ZNF469: variants seen among roughly 807,000 people sequenced by gnomAD.
The protein encoded by ZNF469 is zinc finger protein 469.
Under a neutral mutation model 1.0 loss-of-function variants are expected in ZNF469, and 1 was observed. The observed-to-expected ratio is 1.00, with a 90% CI of 0.35 to 4.73. The LOEUF (loss-of-function observed/expected upper bound fraction) is 4.73. Ranked by LOEUF, ZNF469 falls within the 30% of genes most tolerant of loss-of-function variation. The pLI is 0.16. For synonymous variants in ZNF469, 2,703 were observed against 2,363.4 expected (o/e 1.14, Z -4.17); for missense variants, 6,100 against 5,356.3 (o/e 1.14, Z -4.33).
the ZNF469 span, among the ~76,000 whole-genome samples, chr16:88,244,692 G>C: frequency 0.018 from 2,130 of 120,134 alleles, 41 homozygotes; most frequent in Middle Eastern, 0.034. Context: ...TGGGTTTATG[G>C]ATGGATAGAT....
the ZNF469 span, among the ~76,000 whole-genome samples, chr16:88,241,220 G>T: frequency 6.6e-6 from 1 of 152,184 alleles, no homozygotes; most frequent in African/African-American, 2.4e-5. This position sits in a 1 kb window ranked among gnomAD's most constrained non-coding sequence, Gnocchi z 4.8. Context: ...TTAGCTAAGT[G>T]TCATGGCACG....
chr16:88,248,653 A>G, the ZNF469 span, among the ~76,000 whole-genome samples: 14 of 152,302 alleles, frequency 9.2e-5, no homozygotes, highest in South Asian at 2.7e-3. Context: ...TAAAAGAGAG[A>G]GTGTTATAAC....
chr16:88,147,729 T>C, the ZNF469 span, among the ~76,000 whole-genome samples: 1 of 152,096 alleles, frequency 6.6e-6, no homozygotes, highest in African/African-American at 2.4e-5. Context: ...CCCCTTAGAC[T>C]GTGAGCATGT....
At chr16:88,423,653 G>A (rs1228200748) in intron 1 of ZNF469, among the ~76,000 whole-genome samples, 4 of 152,232 alleles carry the variant, frequency 2.6e-5, no homozygotes, top group Non-Finnish European at 1.5e-5. Flanking sequence ...AGCAGGGGCT[G>A]CAGCATCATC....
At position 88,431,262 on chromosome 16, in the gene ZNF469, A is replaced by T. The variant is rs1255708999; in HGVS notation, c.3792A>T (p.Ile1264=). ...TGGGAGCAAGCCCCGGTCTCCTGATACCAGAGCAGCCGCCGCCCAGCAGAC... is the reference window on the plus strand; with the variant it reads ...TGGGAGCAAGCCCCGGTCTCCTGATTCCAGAGCAGCCGCCGCCCAGCAGAC... ...GEMGASPGLL[I]PEQPPPSRHD... The change falls in exon 3 of 3, where the codon ATA becomes ATT. Residue 1264 remains isoleucine (I), a synonymous_variant. Coordinates refer to ENST00000565624, the MANE Select transcript of ZNF469 (RefSeq NM_001367624.2). The T allele has an allele frequency of 6.5e-7, 1 of 1,550,332 alleles. No homozygotes were observed. The highest frequency in any genetic ancestry group is 1.4e-5 in the African/African-American group (1 of 73,172).
At chr16:88,295,729 C>A in the ZNF469 span, among the ~76,000 whole-genome samples, 3 of 152,174 alleles carry the variant, frequency 2.0e-5, no homozygotes, top group East Asian at 5.8e-4. Flanking sequence ...AAGCTGTTCA[C>A]CCATCACTGT....
rs1200853686 is a variant in ZNF469, at chr16:88,424,441, A to G, written c.-191-366A>G. Among the ~76,000 whole-genome samples the G allele has an allele frequency of 6.6e-6, 1 of 152,188 alleles. No homozygotes were observed. The highest frequency in any genetic ancestry group is 1.5e-5 in the Non-Finnish European group (1 of 68,022). On this transcript the variant is annotated intron_variant, in intron 1 of 2. Coordinates refer to ENST00000565624, the MANE Select transcript of ZNF469 (RefSeq NM_001367624.2). This position sits in a 1 kb window ranked among gnomAD's most constrained non-coding sequence, Gnocchi z 4.3. ...AGCGGGACTGGGGAGGGATCCTGGC[A>G]GGGATGGGAGGGGCAGCGTTCTCAC... is the stretch of plus-strand genomic sequence containing the variant.
the ZNF469 span, among the ~76,000 whole-genome samples, chr16:88,325,797 T>TCTCCTTCCTTCCTCCCTTTC: frequency 2.6e-5 from 4 of 152,166 alleles, no homozygotes; most frequent in Admixed American, 6.5e-5. Flanking sequence ...TTCCCCTCTT[T>TCTCCTTCCTTCCTCCCTTTC]CTCCTTCCTT....
At chr16:88,296,561 C>T in the ZNF469 span, among the ~76,000 whole-genome samples, 7 of 150,082 alleles carry the variant, frequency 4.7e-5, no homozygotes, top group East Asian at 1.9e-4. Flanking sequence ...TGCACACTCA[C>T]GTGCTCACAC....
Position 88,438,465 on chromosome 16 carries a change from C to T in ZNF469, c.10995C>T (p.Phe3665=). The change falls in exon 3 of 3, where the codon TTC becomes TTT. Residue 3665 remains phenylalanine, a synonymous_variant. Coordinates refer to ENST00000565624, the MANE Select transcript of ZNF469 (RefSeq NM_001367624.2). ...MVSEGGPRGA[F]HKGSATKPAG... The stretch of plus-strand genomic sequence containing the variant: ...CTGAGGGGGGGCCCCGAGGCGCCTT[C>T]CACAAGGGCAGCGCCACCAAGCCTG... 6.5e-7 allele frequency: 1 copy of T among 1,550,130 alleles called. No individual in the cohort carries two copies. Among genetic ancestry groups the T allele is most frequent in the Non-Finnish European group, 8.7e-7 (1 of 1,146,946 alleles).
chr16:88,307,024 C>G, the ZNF469 span, among the ~76,000 whole-genome samples: 7 of 152,180 alleles, frequency 4.6e-5, no homozygotes, highest in African/African-American at 1.7e-4. Flanking sequence ...CTACCCCGGT[C>G]CCTGGCAACC....
the ZNF469 span, among the ~76,000 whole-genome samples, chr16:88,109,509 G>A: frequency 3.1e-3 from 464 of 151,026 alleles, 1 homozygote; most frequent in African/African-American, 9.2e-3. Flanking sequence ...GGTGCTGAGC[G>A]TCTGTGTCCA....
In ZNF469 at chr16:88,427,382, C is replaced by A. The variant is rs542673017; in HGVS notation, c.-89C>A. The A allele has an allele frequency of 1.9e-5, 24 of 1,290,496 alleles. 1 individual carries two copies. In the South Asian group the frequency reaches 3.6e-4, roughly 20 times the overall value. The allele number at this position is 1,290,496 out of a possible 1,614,324, so 79.9% of individuals were successfully genotyped here. On this transcript the variant is annotated 5_prime_UTR_variant, in exon 3 of 3. Coordinates refer to ENST00000565624, the MANE Select transcript of ZNF469 (RefSeq NM_001367624.2). Reference sequence around the variant, plus strand: ...ACCATGAGCGCAGGCTTCCCTGGGGCCCATCGAGGGCTGAGGATGGCCGTC... The same window carrying A: ...ACCATGAGCGCAGGCTTCCCTGGGGACCATCGAGGGCTGAGGATGGCCGTC...
the ZNF469 span, among the ~76,000 whole-genome samples, chr16:88,240,695 A>G: frequency 1.3e-5 from 2 of 152,196 alleles, no homozygotes; most frequent in Admixed American, 1.3e-4. Context: ...TAACCGCTCC[A>G]GGTGGAAGGC....
chr16:88,397,811 A>G (rs1023989258), intron 1 of ZNF469, among the ~76,000 whole-genome samples: 1 of 152,124 alleles, frequency 6.6e-6, no homozygotes, highest in African/African-American at 2.4e-5. Context: ...CCCTCCCTGG[A>G]TGGCCTCTGA....
chr16:88,333,880 T>TGTG, the ZNF469 span, among the ~76,000 whole-genome samples: 12 of 115,104 alleles, frequency 1.0e-4, no homozygotes, highest in South Asian at 2.6e-4. Context: ...GTGTGTGTGT[T>TGTG]TGTGTGTCTG....
At position 88,433,950 on chromosome 16, in the gene ZNF469, C is replaced by T. The variant is rs370190101; in HGVS notation, c.6480C>T (p.Pro2160=). The change falls in exon 3 of 3, where the codon CCC becomes CCT. Residue 2160 remains proline (P), a synonymous_variant. Transcript: ENST00000565624. ...LPASPSCRDP[P]GPQQLLACSP... The stretch of plus-strand genomic sequence containing the variant: ...CATCTCCGTCCTGCAGGGACCCTCC[C>T]GGCCCCCAGCAGCTGCTGGCCTGTT... 18 of 1,550,070 alleles carry T rather than the reference C, an allele frequency of 1.2e-5. No homozygotes were observed. The South Asian group carries it at 1.2e-4, about 10-fold the overall frequency.
chr16:88,396,414 C>A (rs927197665), intron 1 of ZNF469, among the ~76,000 whole-genome samples: 2 of 151,254 alleles, frequency 1.3e-5, no homozygotes, highest in Non-Finnish European at 3.0e-5. Flanking sequence ...CAGGAGGAGA[C>A]CCTCCTGAAG....
Position 88,394,523 on chromosome 16 carries a change from G to T in ZNF469, c.-192+11269G>T, listed in dbSNP as rs8050582. Among the ~76,000 whole-genome samples the T allele has an allele frequency of 3.9e-5, 6 of 152,204 alleles. No individual in the cohort carries two copies. In the East Asian group the frequency reaches 9.7e-4, roughly 24 times the overall value. On this transcript the variant is annotated intron_variant, in intron 1 of 2. Transcript: ENST00000565624. ...CAGTCTTTGAAGGTGCTTCCCGGTCGTATCATGAGCACAAGAGGTGCCCGT... is the reference window on the plus strand; with the variant it reads ...CAGTCTTTGAAGGTGCTTCCCGGTCTTATCATGAGCACAAGAGGTGCCCGT...
Sources: gnomAD v4.1 joint callset for allele counts (sites outside exome capture counted in the v4.1 genomes callset) on GRCh38, gnomAD v4.1.1 for gene constraint, Gnocchi (gnomAD v3.1) non-coding constraint, MANE v1.5 for transcripts, NCBI Gene and HGNC (gene_info 2026-07-23, HGNC 2026-07-21) for gene names.